The following GRIK4 variants were observed in gnomAD, a reference collection of about 807,000 sequenced individuals.
GRIK4 encodes the protein glutamate receptor ionotropic, kainate 4.
A neutral mutation model predicts 104.9 loss-of-function variants in GRIK4; 40 were observed. The observed-to-expected ratio is 0.38, with a 90% CI of 0.30 to 0.50. GRIK4 has a LOEUF of 0.50. Ranked by LOEUF, GRIK4 falls within the 20% of genes least tolerant of loss-of-function variation. GRIK4 has a pLI of 0.93. For missense variants in GRIK4, 1,047 were observed against 1,308.1 expected, an observed-to-expected ratio of 0.80 and a Z score of 3.08; for synonymous variants, 485 against 524.9, an observed-to-expected ratio of 0.92 and a Z score of 1.04.
chr11:120,618,466 G>C (rs527307436), intron 1 of GRIK4, among the ~76,000 whole-genome samples: 3 of 152,218 alleles, frequency 2.0e-5, no homozygotes, highest in Admixed American at 2.0e-4. Context: ...ATTCAAGCAG[G>C]CTGTACAAAT....
chr11:120,656,597 A>G (rs1273871528), intron 2 of GRIK4, among the ~76,000 whole-genome samples: 1 of 152,136 alleles, frequency 6.6e-6, no homozygotes, highest in Non-Finnish European at 1.5e-5. Context: ...GCAGTGGCTC[A>G]CGCCTGTAAT....
At chr11:120,807,751 A>C (rs774405658) in intron 4 of GRIK4, among the ~76,000 whole-genome samples, 1 of 152,254 alleles carries the variant, frequency 6.6e-6, no homozygotes, top group South Asian at 2.1e-4. Flanking sequence ...AGCTACCCGC[A>C]TCATAGGCAT....
At chr11:120,753,408 G>T (rs1269691011) in intron 3 of GRIK4, among the ~76,000 whole-genome samples, 1 of 151,402 alleles carries the variant, frequency 6.6e-6, no homozygotes, top group African/African-American at 2.4e-5. Context: ...GGAGAGACTA[G>T]AACCTAATTC....
chr11:120,713,193 CCT>C (rs1275646867), intron 3 of GRIK4, among the ~76,000 whole-genome samples: 1 of 152,194 alleles, frequency 6.6e-6, no homozygotes, highest in East Asian at 1.9e-4. Flanking sequence ...CAAGTGTCCC[CCT>C]GTTTATAGGT....
chr11:120,586,061 A>G (rs1330471900), intron 1 of GRIK4, among the ~76,000 whole-genome samples: 1 of 152,142 alleles, frequency 6.6e-6, no homozygotes, highest in Non-Finnish European at 1.5e-5. Context: ...AGAGCTGGAG[A>G]TAGGCATTTT....
intron 3 of GRIK4, among the ~76,000 whole-genome samples, chr11:120,708,410 C>T (rs78442826): frequency 0.018 from 2,773 of 152,148 alleles, 86 homozygotes; most frequent in African/African-American, 0.057. Flanking sequence ...CACAGAGGTC[C>T]CTAATGAATA....
At chr11:120,831,258 C>G (rs990181712) in intron 6 of GRIK4, among the ~76,000 whole-genome samples, 4 of 152,230 alleles carry the variant, frequency 2.6e-5, no homozygotes, top group African/African-American at 9.6e-5. Context: ...TGCTCCTCCA[C>G]CTCCAAAATG....
Position 120,884,167 on chromosome 11 carries a change from C to T in GRIK4, c.1164+8924C>T, listed in dbSNP as rs570631798. Reference sequence around the variant, plus strand: ...GTTCTAGCATTCTGTTTCTCAATTTCCTCCTCAGTCAAGCAGGGATGGTGA... The same window carrying T: ...GTTCTAGCATTCTGTTTCTCAATTTTCTCCTCAGTCAAGCAGGGATGGTGA... On this transcript the variant is annotated intron_variant, in intron 11 of 20. Transcript: ENST00000527524. Among the ~76,000 whole-genome samples, 31 of 152,352 alleles carry T rather than the reference C, an allele frequency of 2.0e-4. No homozygotes were observed. The South Asian group carries it at 6.2e-3, about 31-fold the overall frequency.
At chr11:120,612,605 C>T (rs1219544193) in intron 1 of GRIK4, among the ~76,000 whole-genome samples, 1 of 152,180 alleles carries the variant, frequency 6.6e-6, no homozygotes, top group African/African-American at 2.4e-5. Flanking sequence ...TGGGATTCCC[C>T]ATGACAGGTG....
chr11:120,732,335 A>G (rs1305029402), intron 3 of GRIK4, among the ~76,000 whole-genome samples: 3 of 152,164 alleles, frequency 2.0e-5, no homozygotes, highest in East Asian at 3.9e-4. Context: ...GGGTTTCACC[A>G]TATTGGCTAG....
At chr11:120,694,703 T>G (rs1950413983) in intron 3 of GRIK4, among the ~76,000 whole-genome samples, 1 of 152,168 alleles carries the variant, frequency 6.6e-6, no homozygotes, top group South Asian at 2.1e-4. Context: ...GGCTTAGGTC[T>G]CCTGGGATGC....
intron 1 of GRIK4, among the ~76,000 whole-genome samples, chr11:120,566,304 C>T (rs780793523): frequency 1.4e-4 from 21 of 152,180 alleles, no homozygotes; most frequent in Non-Finnish European, 2.5e-4. Flanking sequence ...AGTCCAGAGA[C>T]GTTAGGCACC....
chr11:120,597,475 C>T (rs771793081), intron 1 of GRIK4, among the ~76,000 whole-genome samples: 2 of 152,202 alleles, frequency 1.3e-5, no homozygotes, highest in African/African-American at 2.4e-5. Flanking sequence ...GTTCTCTGAC[C>T]GAGCCCCGGG....
chr11:120,833,430 G>C (rs190865730), intron 7 of GRIK4, among the ~76,000 whole-genome samples: 2 of 152,278 alleles, frequency 1.3e-5, no homozygotes, highest in East Asian at 3.9e-4. Context: ...CGAGAGGAGA[G>C]GGGCCCTCTT....
chr11:120,684,289 C>T (rs772047804), intron 3 of GRIK4, among the ~76,000 whole-genome samples: 8 of 152,186 alleles, frequency 5.3e-5, no homozygotes, highest in Admixed American at 2.0e-4. Flanking sequence ...CACTACTGCA[C>T]TCCCATCTGG....
chr11:120,575,890 G>A (rs1478222122), intron 1 of GRIK4: 1 of 151,958 alleles, frequency 6.6e-6, no homozygotes, highest in Non-Finnish European at 1.5e-5. Context: ...TCGAGCCCAG[G>A]AGTGCGAGGC....
rs1282509856 is a variant in GRIK4 at position 120,771,466 on chromosome 11, C to T, written c.83-31227C>T. On this transcript the variant is annotated intron_variant, in intron 3 of 20. Coordinates refer to ENST00000527524, the MANE Select transcript of GRIK4 (RefSeq NM_014619.5). ...TCTAAGCAAAGTGTTGAAGATGTGG[C>T]TTGGCTTATGAGTGCTTATAGTGAT... Among the ~76,000 whole-genome samples, 4 of 152,094 alleles carry T rather than the reference C, an allele frequency of 2.6e-5. No individual in the cohort carries two copies. In the East Asian group the frequency reaches 5.8e-4, roughly 22 times the overall value.
intron 3 of GRIK4, among the ~76,000 whole-genome samples, chr11:120,788,972 C>G (rs1952343197): frequency 6.6e-6 from 1 of 152,164 alleles, no homozygotes; most frequent in African/African-American, 2.4e-5. Flanking sequence ...ATGCTCAGTC[C>G]TTGTTTTATC....
chr11:120,882,482 C>T (rs560859754), intron 11 of GRIK4, among the ~76,000 whole-genome samples: 1 of 152,254 alleles, frequency 6.6e-6, no homozygotes, highest in Admixed American at 6.5e-5. Flanking sequence ...GCGATTTCCC[C>T]CAGAACCAGT....
Sources: gnomAD v4.1 joint callset for allele counts (sites outside exome capture counted in the v4.1 genomes callset) on GRCh38, gnomAD v4.1.1 for gene constraint, MANE v1.5 for transcripts, NCBI Gene and HGNC (gene_info 2026-07-23, HGNC 2026-07-21) for gene names.